Variants in AGBL2 observed in about 807,000 individuals in gnomAD.
AGBL2 encodes cytosolic carboxypeptidase 2.
In AGBL2, 87 loss-of-function variants were observed where a neutral mutation model predicts 103.0. The observed-to-expected ratio is 0.84, with a 90% confidence interval of 0.71 to 1.01. The LOEUF is 1.01. Ranked by LOEUF, AGBL2 falls within the 50% of genes least tolerant of loss-of-function variation. The probability of loss-of-function intolerance (pLI) is 0.00; values close to 1 mark genes in which losing one functional copy is unlikely to be tolerated. For missense variants in AGBL2, 904 were observed against 1,023.5 expected, an observed-to-expected ratio of 0.88 and a Z score of 1.59; for synonymous variants, 335 against 356.7, an observed-to-expected ratio of 0.94 and a Z score of 0.69.
At chr11:47,700,744 A>T (rs992844629) in intron 7 of AGBL2, among the ~76,000 whole-genome samples, 1 of 152,090 alleles carries the variant, frequency 6.6e-6, no homozygotes, top group Non-Finnish European at 1.5e-5. Flanking sequence ...TTTCTCGAAG[A>T]TTATAGGAAG....
chr11:47,684,300 G>T (rs1426572796), intron 11 of AGBL2, among the ~76,000 whole-genome samples: 1 of 151,842 alleles, frequency 6.6e-6, no homozygotes, highest in Non-Finnish European at 1.5e-5. Context: ...GGGTATGGTG[G>T]CTCACACCTA....
At chr11:47,663,505 G>GT (rs1171145103) in intron 17 of AGBL2, among the ~76,000 whole-genome samples, 1 of 151,632 alleles carries the variant, frequency 6.6e-6, no homozygotes, top group East Asian at 1.9e-4. Context: ...GCCACCAGCT[G>GT]TGCTCTGTGG....
intron 18 of AGBL2, among the ~76,000 whole-genome samples, chr11:47,661,141 C>T (rs144251424): frequency 2.7e-5 from 4 of 150,892 alleles, no homozygotes; most frequent in South Asian, 4.2e-4. Flanking sequence ...CCAGCCTGGG[C>T]GACAGAGCAA....
At chr11:47,692,514 C>T (rs2097451710) in intron 8 of AGBL2, among the ~76,000 whole-genome samples, 1 of 145,972 alleles carries the variant, frequency 6.9e-6, no homozygotes, top group African/African-American at 2.6e-5. Context: ...CAGGTTCATG[C>T]CATTGTCCTG....
intron 14 of AGBL2, among the ~76,000 whole-genome samples, chr11:47,676,804 C>T (rs1037974035): frequency 1.4e-5 from 2 of 139,268 alleles, no homozygotes; most frequent in African/African-American, 5.7e-5. Flanking sequence ...ACAGAGCGAG[C>T]CTCCATCTCA....
chr11:47,712,790 G>C (rs146274360), intron 3 of AGBL2, among the ~76,000 whole-genome samples: 370 of 151,788 alleles, frequency 2.4e-3, no homozygotes, highest in Middle Eastern at 0.014. Context: ...CTGTAATCTT[G>C]GCATTTTGGG....
chr11:47,663,137 C>G (rs1365703597), intron 17 of AGBL2, 25 bp from the exon 18 acceptor site: 1 of 1,473,540 alleles, frequency 6.8e-7, no homozygotes, highest in Non-Finnish European at 9.3e-7. Context: ...CATATCCTCA[C>G]TAAATTTTCC....
rs544121474 is a variant in AGBL2 at position 47,690,925 on chromosome 11, T to G, written c.849-67A>C. The G allele has an allele frequency of 1.1e-5, 14 of 1,302,858 alleles. No homozygotes were observed. In the African/African-American group the frequency reaches 1.6e-4, roughly 15 times the overall value. 80.7% of individuals were successfully genotyped at this position (1,302,858 alleles called of 1,614,324 possible). A position where few individuals can be genotyped will look rare whatever the true frequency, so the allele number is the denominator to read the frequency against. On this transcript the variant is annotated intron_variant, in intron 9 of 18. Coordinates refer to ENST00000525123, the MANE Select transcript of AGBL2 (RefSeq NM_024783.4). ...TGCCTTAAAAAACAAATTGGGAAAA[T>G]GTTGTTTTCTCCTGGTAAAAACAGG... is the stretch of plus-strand genomic sequence containing the variant.
chr11:47,679,728 G>A lies in AGBL2; in HGVS notation c.2016+245C>T, dbSNP rs2097394130. Among the ~76,000 whole-genome samples, 3 of 150,206 alleles carry A rather than the reference G, an allele frequency of 2.0e-5. No homozygotes were observed. The South Asian group carries it at 6.3e-4, about 32-fold the overall frequency. On this transcript the variant is annotated intron_variant, in intron 13 of 18. Coordinates refer to ENST00000525123, the MANE Select transcript of AGBL2 (RefSeq NM_024783.4). ...GTGATCTCGACTCAGTGCAACCTCC[G>A]CCTCCTAGGTTCAAGTGATTCTCCT... is the stretch of plus-strand genomic sequence containing the variant.
intron 18 of AGBL2, among the ~76,000 whole-genome samples, chr11:47,660,556 A>ATTTTTTT (rs11380369): frequency 7.0e-6 from 1 of 143,408 alleles, no homozygotes. Flanking sequence ...CATGAGACAC[A>ATTTTTTT]TTTTTTTTTT....
intron 6 of AGBL2, 24 bp from the exon 7 acceptor site, chr11:47,704,752 T>C (rs1599081472): frequency 6.3e-7 from 1 of 1,599,912 alleles, no homozygotes; most frequent in East Asian, 2.2e-5. Flanking sequence ...AGAGAGTAAG[T>C]GAACATCTTC....
chr11:47,675,760 C>T (rs901634966), intron 14 of AGBL2, among the ~76,000 whole-genome samples: 5 of 152,020 alleles, frequency 3.3e-5, no homozygotes, highest in African/African-American at 9.7e-5. Context: ...AATCGCAGCA[C>T]TTTGGGAGGC....
Position 47,681,966 on chromosome 11 carries a change from T to C in AGBL2, c.1915+3A>G, listed in dbSNP as rs767268698. ...GGCCTATGATATACAAAAGAGAATG[T>C]ACCCAGGGTGGACCCGCCAAAGGTA... On this transcript the variant is annotated splice_donor_region_variant and intron_variant, in intron 12 of 18. Coordinates refer to ENST00000525123, the MANE Select transcript of AGBL2 (RefSeq NM_024783.4). The C allele has an allele frequency of 2.5e-6, 4 of 1,612,196 alleles. No individual in the cohort carries two copies. In the African/African-American group the frequency reaches 4.0e-5, roughly 16 times the overall value.
At chr11:47,669,663 G>C (rs2097351340) in intron 14 of AGBL2, among the ~76,000 whole-genome samples, 1 of 150,474 alleles carries the variant, frequency 6.6e-6, no homozygotes, top group Non-Finnish European at 1.5e-5. Context: ...TAAGCAACAA[G>C]AGTGAAGCTG....
At chr11:47,691,729 A>AAAAAAAAATATATATATAT in intron 9 of AGBL2, among the ~76,000 whole-genome samples, 1 of 4,854 alleles carries the variant, frequency 2.1e-4, no homozygotes, top group African/African-American at 7.2e-4. Context: ...AAAAAAAAAA[A>AAAAAAAAATATATATATAT]ATATATATAT....
At chr11:47,693,935 A>T (rs141403654) in intron 8 of AGBL2, among the ~76,000 whole-genome samples, 1,662 of 152,234 alleles carry the variant, frequency 0.011, 16 homozygotes, top group Non-Finnish European at 0.017. Context: ...CATGCCTGTA[A>T]TCCCAGCACT....
At chr11:47,667,444 GA>G in intron 16 of AGBL2, 126 bp downstream of exon 16, 1 of 1,236,026 alleles carries the variant, frequency 8.1e-7, no homozygotes, top group Non-Finnish European at 1.1e-6. Flanking sequence ...TCGCAAAACA[GA>G]AAGTCTCCCT....
At chr11:47,715,133 G>T (rs2097546018) in intron 1 of AGBL2, 42 bp downstream of exon 1, 2 of 161,686 alleles carry the variant, frequency 1.2e-5, no homozygotes, top group Non-Finnish European at 2.7e-5. Context: ...TGGTGAGGGG[G>T]TTTCCTAAGG....
chr11:47,677,732 C>T (rs1159846758), intron 13 of AGBL2, among the ~76,000 whole-genome samples: 1 of 152,106 alleles, frequency 6.6e-6, no homozygotes, highest in Non-Finnish European at 1.5e-5. Flanking sequence ...GGATTACAGG[C>T]GTGAGCCATC....
Sources: gnomAD v4.1 joint callset for allele counts (sites outside exome capture counted in the v4.1 genomes callset) on GRCh38, gnomAD v4.1.1 for gene constraint, MANE v1.5 for transcripts, NCBI Gene and HGNC (gene_info 2026-07-23, HGNC 2026-07-21) for gene names.